The following IGF1R variants were observed in gnomAD, a reference collection of about 807,000 sequenced individuals.
IGF1R encodes the protein insulin like growth factor 1 receptor.
IGF1R carries 44 observed loss-of-function variants against 144.6 expected under a neutral mutation model. That is an observed-to-expected ratio of 0.30 (90% CI 0.24 to 0.39). The LOEUF (loss-of-function observed/expected upper bound fraction) is 0.39, where lower values mean the gene tolerates loss of function less well. IGF1R is among the 10% of genes least tolerant of loss of function. The pLI is 1.00. For missense variants in IGF1R, 1,355 were observed against 1,833.7 expected, an observed-to-expected ratio of 0.74 and a Z score of 4.77; for synonymous variants, 795 against 722.8, an observed-to-expected ratio of 1.10 and a Z score of -1.60.
At chr15:98,748,506 ACT>A (rs2141328672) in intron 2 of IGF1R, among the ~76,000 whole-genome samples, 1 of 152,182 alleles carries the variant, frequency 6.6e-6, no homozygotes, top group South Asian at 2.1e-4. Context: ...TAATTTCTTT[ACT>A]CATTAGGTGC....
At chr15:98,926,156 TGTC>T (rs536874113) in intron 13 of IGF1R, among the ~76,000 whole-genome samples, 121 of 152,064 alleles carry the variant, frequency 8.0e-4, no homozygotes, top group Non-Finnish European at 1.4e-3. Flanking sequence ...AAAAGAAAAA[TGTC>T]GTTTGTGGCA....
At chr15:98,884,069 C>T (rs2013516424) in intron 2 of IGF1R, among the ~76,000 whole-genome samples, 1 of 152,040 alleles carries the variant, frequency 6.6e-6, no homozygotes, top group Non-Finnish European at 1.5e-5. Flanking sequence ...TACTGTAATC[C>T]CCTCGAGCAC....
intron 2 of IGF1R, among the ~76,000 whole-genome samples, chr15:98,708,539 C>G (rs983124103): frequency 6.6e-6 from 1 of 152,142 alleles, no homozygotes; most frequent in Non-Finnish European, 1.5e-5. Flanking sequence ...ATTTTTTGTT[C>G]TGCAGGACTT....
At position 98,958,136 on chromosome 15, in the gene IGF1R, G is replaced by A. The variant is rs1164836560; in HGVS notation, c.*694G>A. ...TGCTCCATTTGAGAGACACGCTGGCGACACACTCCGTCCATCCGACTGCCC... is the reference window on the plus strand; with the variant it reads ...TGCTCCATTTGAGAGACACGCTGGCAACACACTCCGTCCATCCGACTGCCC... On this transcript the variant is annotated 3_prime_UTR_variant, in exon 21 of 21. Coordinates refer to ENST00000650285, the MANE Select transcript of IGF1R (RefSeq NM_000875.5). 1.1e-4 allele frequency: 26 copies of A among 233,524 alleles called. No homozygotes were observed. Among genetic ancestry groups the A allele is most frequent in the East Asian group, 7.3e-4 (12 of 16,530 alleles). 14.5% of individuals were successfully genotyped at this position (233,524 alleles called of 1,614,324 possible).
intron 2 of IGF1R, among the ~76,000 whole-genome samples, chr15:98,735,213 T>C (rs1341331064): frequency 6.6e-6 from 1 of 152,198 alleles, no homozygotes; most frequent in East Asian, 1.9e-4. Flanking sequence ...AAATGTGTTG[T>C]GTGAAGTACC....
intron 2 of IGF1R, among the ~76,000 whole-genome samples, chr15:98,869,282 C>G (rs1044887672): frequency 3.8e-5 from 5 of 133,092 alleles, no homozygotes; most frequent in African/African-American, 1.5e-4. Context: ...TTCGAGACAG[C>G]TTTCAATTAA....
In IGF1R at chr15:98,707,966, A is replaced by G; in HGVS notation, c.499A>G (p.Asn167Asp). The G allele has an allele frequency of 1.2e-6, 2 of 1,614,098 alleles. No homozygotes were observed. The highest frequency in any genetic ancestry group is 1.7e-6 in the Non-Finnish European group (2 of 1,180,012). ...CCTGATCCTGGATGCGGTGTCCAATAACTACATTGTGGGGAATAAGCCCCC... is the reference window on the plus strand; with the variant it reads ...CCTGATCCTGGATGCGGTGTCCAATGACTACATTGTGGGGAATAAGCCCCC... ...WSLILDAVSNNYIVGNKPPKE... is the reference protein window; with the variant it reads ...WSLILDAVSNDYIVGNKPPKE... Residue 167 changes from asparagine to aspartate, a missense_variant, in exon 2 of 21, where the codon AAC becomes GAC. Physicochemically the swap from Asn to Asp is conservative, Grantham distance 23. Around this residue, in one of 7 missense-constraint regions of IGF1R, gnomAD observed 880 missense variants for 1,202.7 expected, o/e 0.73. Transcript: ENST00000650285. The surrounding 1 kb of genome is among the most constrained non-coding windows in gnomAD (Gnocchi z 6.7).
chr15:98,836,595 C>T (rs907737712), intron 2 of IGF1R, among the ~76,000 whole-genome samples: 5 of 150,976 alleles, frequency 3.3e-5, no homozygotes, highest in Non-Finnish European at 4.4e-5. Flanking sequence ...ATAATCTATA[C>T]ACCAATTCTC....
rs1297013639 is a variant in IGF1R at position 98,959,230 on chromosome 15, G to A, written c.*1788G>A. 4.3e-6 allele frequency: 1 copy of A among 233,468 alleles called. No homozygotes were observed. The highest frequency in any genetic ancestry group is 8.5e-6 in the Non-Finnish European group (1 of 117,980). 14.5% of individuals were successfully genotyped at this position (233,468 alleles called of 1,614,324 possible). A position where few individuals can be genotyped will look rare whatever the true frequency, so the allele number is the denominator to read the frequency against. On this transcript the variant is annotated 3_prime_UTR_variant, in exon 21 of 21. Coordinates refer to ENST00000650285, the MANE Select transcript of IGF1R (RefSeq NM_000875.5). The stretch of plus-strand genomic sequence containing the variant: ...ATTTTTTTAATTCTTGGGTACAACA[G>A]CAGTGTTAACCGCAGACACTAGGCA...
chr15:98,813,487 ACAATAAAGGCTCTCCT>A (rs2056635344), intron 2 of IGF1R, among the ~76,000 whole-genome samples: 3 of 152,114 alleles, frequency 2.0e-5, no homozygotes, highest in Admixed American at 6.5e-5. Flanking sequence ...CAAGGAAACC[ACAATAAAGGCTCTCCT>A]CCATGTTTTC....
In IGF1R at chr15:98,963,164, TAA is replaced by T. The variant is rs997909969; in HGVS notation, c.*5724_*5725del. 8.6e-6 allele frequency: 2 copies of T among 232,768 alleles called. No individual in the cohort carries two copies. Among genetic ancestry groups the T allele is most frequent in the East Asian group, 6.0e-5 (1 of 16,568 alleles). The allele number at this position is 232,768 out of a possible 1,614,324, so 14.4% of individuals were successfully genotyped here. ...TAGTTTATAATTGCCGAAAATAATT[TAA>T]AGACACTTTTTTTTTCTCTGTGTGT... is the stretch of plus-strand genomic sequence containing the variant. On this transcript the variant is annotated 3_prime_UTR_variant, in exon 21 of 21. Coordinates refer to ENST00000650285, the MANE Select transcript of IGF1R (RefSeq NM_000875.5).
chr15:98,854,942 C>CA (rs112546465), intron 2 of IGF1R, among the ~76,000 whole-genome samples: 5 of 103,104 alleles, frequency 4.8e-5, no homozygotes, highest in African/African-American at 1.8e-4. Flanking sequence ...TCCACCCCTG[C>CA]CCCCCCCAAC....
Position 98,953,611 on chromosome 15 carries a change from G to A in IGF1R, c.3723-3450G>A, listed in dbSNP as rs566460069. On this transcript the variant is annotated intron_variant, in intron 20 of 20. Coordinates refer to ENST00000650285, the MANE Select transcript of IGF1R (RefSeq NM_000875.5). ...CCAGGGCAGAGGTGTGAACGCAGCCGTGGAAGACTTGGGCCAGGAAGCCAT... is the reference window on the plus strand; with the variant it reads ...CCAGGGCAGAGGTGTGAACGCAGCCATGGAAGACTTGGGCCAGGAAGCCAT... Among the ~76,000 whole-genome samples the A allele has an allele frequency of 8.5e-5, 13 of 152,250 alleles. No homozygotes were observed. In the South Asian group the frequency reaches 1.2e-3, roughly 15 times the overall value.
At chr15:98,895,085 A>G (rs1376457988) in intron 3 of IGF1R, among the ~76,000 whole-genome samples, 4 of 150,842 alleles carry the variant, frequency 2.7e-5, no homozygotes, top group Admixed American at 6.6e-5. Flanking sequence ...GGTGTTAGGG[A>G]CATTGGGGAC....
chr15:98,909,239 TTTC>T, intron 6 of IGF1R, among the ~76,000 whole-genome samples: 1 of 65,224 alleles, frequency 1.5e-5, no homozygotes, highest in Admixed American at 2.4e-4. Flanking sequence ...TCTTTTTTCT[TTTC>T]TTTTTTTTCT....
At chr15:98,786,165 T>G (rs2055990161) in intron 2 of IGF1R, among the ~76,000 whole-genome samples, 1 of 152,170 alleles carries the variant, frequency 6.6e-6, no homozygotes, top group African/African-American at 2.4e-5. Flanking sequence ...GAGTATTCAG[T>G]TTCCCCACCA....
At chr15:98,865,991 AGAT>A (rs1555454505) in intron 2 of IGF1R, among the ~76,000 whole-genome samples, 5 of 152,350 alleles carry the variant, frequency 3.3e-5, no homozygotes, top group Non-Finnish European at 1.5e-5. Flanking sequence ...CTCCCAGAGT[AGAT>A]ACAACTTGCC....
chr15:98,789,942 G>A (rs1220117272), intron 2 of IGF1R, among the ~76,000 whole-genome samples: 1 of 152,170 alleles, frequency 6.6e-6, no homozygotes, highest in Non-Finnish European at 1.5e-5. Flanking sequence ...GATGTACTCT[G>A]TCTGCCAACA....
intron 1 of IGF1R, among the ~76,000 whole-genome samples, chr15:98,660,916 G>A (rs558836082): frequency 6.6e-5 from 10 of 152,264 alleles, no homozygotes; most frequent in South Asian, 2.1e-4. Context: ...GGCTGGACTC[G>A]GCTGCCTGGT....
Sources: allele counts gnomAD v4.1 joint callset (sites outside exome capture counted in the v4.1 genomes callset), GRCh38; gene constraint gnomAD v4.1.1; regional missense constraint gnomAD v4.1.1; non-coding constraint Gnocchi (gnomAD v3.1); transcripts MANE v1.5; gene names NCBI Gene and HGNC (gene_info 2026-07-23, HGNC 2026-07-21).